Variants in COL4A5 observed in about 807,000 individuals in gnomAD.
COL4A5 encodes collagen type IV alpha 5 chain.
In COL4A5, 26 loss-of-function variants were observed where a neutral mutation model predicts 130.2. The observed-to-expected ratio is 0.20, with a 90% CI of 0.15 to 0.28. The LOEUF (loss-of-function observed/expected upper bound fraction) is 0.28, where lower values mean the gene tolerates loss of function less well. COL4A5 is among the 10% of genes least tolerant of loss of function. The pLI, the probability that COL4A5 is intolerant of heterozygous loss-of-function variation, is 1.00. For missense variants in COL4A5, 1,131 were observed against 1,344.3 expected (o/e 0.84, Z 2.48); for synonymous variants, 496 against 439.6 (o/e 1.13, Z -1.60).
chrX:108,445,086 A>G (rs2064439323), intron 1 of COL4A5, among the ~76,000 whole-genome samples: 1 of 111,829 alleles, frequency 8.9e-6, no homozygotes. Flanking sequence ...ACACCATAGT[A>G]AATGTTAAAT....
At chrX:108,685,916 A>G in intron 47 of COL4A5, 115 bp from the exon 48 acceptor site, 1 of 607,601 alleles carries the variant, frequency 1.6e-6, no homozygotes, top group Non-Finnish European at 2.7e-6. Flanking sequence ...TTTTTTCTGG[A>G]TTTAAGACAA....
At chrX:108,488,019 A>G (rs2064963333) in intron 1 of COL4A5, among the ~76,000 whole-genome samples, 1 of 111,953 alleles carries the variant, frequency 8.9e-6, no homozygotes, top group African/African-American at 3.2e-5. Flanking sequence ...TTCCTCTTAC[A>G]TTTATTTTTG....
intron 4 of COL4A5, among the ~76,000 whole-genome samples, chrX:108,568,222 G>A (rs1349790750): frequency 9.0e-6 from 1 of 111,596 alleles, no homozygotes; most frequent in East Asian, 2.8e-4. Flanking sequence ...TGCCAATCAT[G>A]ACAGAGAAAT....
intron 1 of COL4A5, among the ~76,000 whole-genome samples, chrX:108,496,545 T>G (rs1391649434): frequency 8.9e-6 from 1 of 112,139 alleles, no homozygotes; most frequent in African/African-American, 3.2e-5. Flanking sequence ...GGATGGAATA[T>G]TCTATATCAA....
intron 2 of COL4A5, among the ~76,000 whole-genome samples, chrX:108,558,594 T>C (rs1403266850): frequency 8.9e-6 from 1 of 112,186 alleles, no homozygotes; most frequent in Non-Finnish European, 1.9e-5. Flanking sequence ...GAATATGTAT[T>C]CATTTTTAGT....
intron 36 of COL4A5, among the ~76,000 whole-genome samples, chrX:108,637,280 C>A (rs752636893): frequency 9.0e-6 from 1 of 110,694 alleles, no homozygotes; most frequent in East Asian, 2.8e-4. Flanking sequence ...CATACCAAAA[C>A]GTACAGGATG....
chrX:108,458,911 C>T (rs1006824714), intron 1 of COL4A5, among the ~76,000 whole-genome samples: 2 of 109,338 alleles, frequency 1.8e-5, no homozygotes, highest in Non-Finnish European at 3.8e-5. Context: ...ACCCGGGAGG[C>T]GGAGCTTGCA....
chrX:108,465,153 G>A (rs1369153914), intron 1 of COL4A5, among the ~76,000 whole-genome samples: 1 of 111,553 alleles, frequency 9.0e-6, no homozygotes, highest in African/African-American at 3.3e-5. Flanking sequence ...CATTTCTCTT[G>A]GGTGAGTGCA....
Position 108,573,508 on chromosome X carries a change from TCTGGTTTTG to T in COL4A5, c.466-57_466-49del, listed in dbSNP as rs1053533898. 54 of 725,058 alleles carry T rather than the reference TCTGGTTTTG, an allele frequency of 7.4e-5. No individual in the cohort carries two copies. In the African/African-American group the frequency reaches 1.1e-3, roughly 15 times the overall value. The allele number at this position is 725,058 out of a possible 1,213,427, so 59.8% of individuals were successfully genotyped here. A position where few individuals can be genotyped will look rare whatever the true frequency, so the allele number is the denominator to read the frequency against. On this transcript the variant is annotated intron_variant, in intron 8 of 52. Coordinates refer to ENST00000328300, the MANE Select transcript of COL4A5 (RefSeq NM_033380.3). The stretch of plus-strand genomic sequence containing the variant: ...ACAAATTGAATCTTCAGATCATTTT[TCTGGTTTTG>T]CTGGTTTTCATGTATAATAACTGTG...
intron 36 of COL4A5, among the ~76,000 whole-genome samples, chrX:108,648,212 A>G (rs1035107293): frequency 2.7e-5 from 3 of 110,917 alleles, no homozygotes; most frequent in African/African-American, 9.8e-5. Context: ...AGGAAGAATT[A>G]GATACCCTGA....
intron 1 of COL4A5, among the ~76,000 whole-genome samples, chrX:108,521,540 C>G (rs1325983375): frequency 1.8e-5 from 2 of 111,268 alleles, no homozygotes; most frequent in Admixed American, 9.7e-5. Flanking sequence ...TCTTCTATAA[C>G]CTATTGCACT....
intron 19 of COL4A5, 66 bp downstream of exon 19, chrX:108,586,813 T>A: frequency 9.1e-7 from 1 of 1,098,111 alleles, no homozygotes; most frequent in Non-Finnish European, 1.3e-6. Flanking sequence ...ATACTTTTTA[T>A]CACATTAGTT....
intron 49 of COL4A5, 152 bp downstream of exon 49, chrX:108,687,846 C>T: frequency 4.1e-6 from 2 of 490,750 alleles, no homozygotes. Flanking sequence ...TGAATATATT[C>T]ACTATGATTT....
chrX:108,471,899 T>C (rs937832398), intron 1 of COL4A5, among the ~76,000 whole-genome samples: 5 of 111,598 alleles, frequency 4.5e-5, no homozygotes, highest in Non-Finnish European at 9.4e-5. Context: ...TTGCTCTTCC[T>C]TTTCTAGTTT....
At chrX:108,448,457 G>GTATA (rs1341709934) in intron 1 of COL4A5, among the ~76,000 whole-genome samples, 5 of 112,068 alleles carry the variant, frequency 4.5e-5, no homozygotes. Flanking sequence ...TTCTTACAGT[G>GTATA]TATATGACAT....
chrX:108,695,273 A>G lies in COL4A5; in HGVS notation c.4828A>G (p.Ser1610Gly), dbSNP rs548489814. The G allele has an allele frequency of 1.2e-5, 14 of 1,209,382 alleles. No homozygotes were observed. In the South Asian group the frequency reaches 2.5e-4, roughly 21 times the overall value. The change falls in exon 52 of 53, where the codon AGT becomes GGT. Residue 1610 changes from serine (S) to glycine (G), a missense_variant. Physicochemically the swap from Ser to Gly is moderately conservative, Grantham distance 56. Transcript: ENST00000328300. ...TTTTCCTTGTCTTTTATAGCATACA[A>G]GTGCAGGGGCAGAAGGCTCAGGTCA... ...WIGYSFMMHT[S>G]AGAEGSGQAL...
intron 36 of COL4A5, among the ~76,000 whole-genome samples, chrX:108,655,079 G>T (rs749819479): frequency 3.6e-5 from 4 of 111,470 alleles, no homozygotes; most frequent in Non-Finnish European, 7.5e-5. Flanking sequence ...ATTGTAGTCT[G>T]GTTCAAATCC....
Position 108,591,614 on chromosome X carries a change from A to G in COL4A5, c.1393A>G (p.Lys465Glu), listed in dbSNP as rs1257298002. The G allele has an allele frequency of 8.3e-7, 1 of 1,206,012 alleles. No individual in the cohort carries two copies. The highest frequency in any genetic ancestry group is 2.2e-5 in the Admixed American group (1 of 45,976). ...AGGCCCCCCAGGATCTCCAGGTGAT[A>G]AAGGACTCCAAGGAGAACAAGGAGT... ...PPGPPGSPGD[K>E]GLQGEQGVKG... Residue 465 changes from lysine (K) to glutamate (E), a missense_variant, in exon 21 of 53, where the codon AAA (lysine) becomes GAA (glutamate). Coordinates refer to ENST00000328300, the MANE Select transcript of COL4A5 (RefSeq NM_033380.3).
chrX:108,626,898 A>G, intron 36 of COL4A5: 3 of 764,734 alleles, frequency 3.9e-6, no homozygotes, highest in Non-Finnish European at 4.6e-6. Context: ...TTTATTTGAC[A>G]ATTGTTTAGT....
Sources: allele counts gnomAD v4.1 joint callset (sites outside exome capture counted in the v4.1 genomes callset), GRCh38; gene constraint gnomAD v4.1.1; transcripts MANE v1.5; gene names NCBI Gene and HGNC (gene_info 2026-07-23, HGNC 2026-07-21).